Variants in ARMC9 observed in about 807,000 individuals in gnomAD.
ARMC9 encodes lisH domain-containing protein ARMC9.
In ARMC9, 94 loss-of-function variants were observed where a neutral mutation model predicts 107.0. The ratio of observed to expected loss-of-function variants is 0.88; its 90% CI spans 0.74 to 1.04. The LOEUF is 1.04. Among genes scored for constraint, ARMC9 ranks in the 50% least tolerant of loss-of-function variants. ARMC9 has a pLI of 0.00. For synonymous variants in ARMC9, 380 were observed against 396.9 expected (o/e 0.96, Z 0.51); for missense variants, 942 against 1,030.1 (o/e 0.91, Z 1.17).
chr2:231,313,974 G>C (rs1398268351), intron 19 of ARMC9, among the ~76,000 whole-genome samples: 1 of 149,316 alleles, frequency 6.7e-6, no homozygotes, highest in Non-Finnish European at 1.5e-5. Flanking sequence ...TGCCCAGGGT[G>C]GTCTTAAACT....
At chr2:231,337,227 T>C (rs1350556990) in intron 20 of ARMC9, among the ~76,000 whole-genome samples, 1 of 149,426 alleles carries the variant, frequency 6.7e-6, no homozygotes, top group Non-Finnish European at 1.5e-5. Flanking sequence ...CTCTGCTTAT[T>C]AGGGGATTTG....
chr2:231,235,704 G>A (rs1342734327), intron 8 of ARMC9, among the ~76,000 whole-genome samples: 2 of 152,058 alleles, frequency 1.3e-5, no homozygotes, highest in Non-Finnish European at 2.9e-5. Context: ...GTGCAATGGC[G>A]TGATCTCGGC....
intron 5 of ARMC9, 56 bp from the exon 6 acceptor site, chr2:231,222,672 A>G (rs114992710): frequency 0.025 from 24,750 of 992,278 alleles, 409 homozygotes; most frequent in Non-Finnish European, 0.032. Flanking sequence ...CAACTTGATG[A>G]TGCTATTGGT....
chr2:231,302,975 G>A (rs1207152633), intron 19 of ARMC9, among the ~76,000 whole-genome samples: 3 of 152,208 alleles, frequency 2.0e-5, no homozygotes, highest in African/African-American at 7.2e-5. Context: ...CTGCACTCCA[G>A]CCTGGGTGAC....
intron 18 of ARMC9, 117 bp from the exon 19 acceptor site, chr2:231,296,081 C>A: frequency 1.5e-6 from 1 of 648,094 alleles, no homozygotes; most frequent in Admixed American, 3.1e-5. Flanking sequence ...AGCATGATGA[C>A]TTTGATGTAA....
At chr2:231,250,373 T>G (rs1336232626) in intron 9 of ARMC9, among the ~76,000 whole-genome samples, 1 of 152,192 alleles carries the variant, frequency 6.6e-6, no homozygotes, top group Non-Finnish European at 1.5e-5. Context: ...CCAGTAGCAC[T>G]ACTCCCGCTA....
chr2:231,229,714 T>C (rs1355414216), intron 7 of ARMC9, among the ~76,000 whole-genome samples: 1 of 152,154 alleles, frequency 6.6e-6, no homozygotes, highest in Non-Finnish European at 1.5e-5. Context: ...ATTAGCAAAG[T>C]AGCAAGGAGG....
At chr2:231,199,614 G>A (rs1302339996) in intron 1 of ARMC9, among the ~76,000 whole-genome samples, 3 of 152,190 alleles carry the variant, frequency 2.0e-5, no homozygotes, top group Non-Finnish European at 4.4e-5. Flanking sequence ...AAAACATTTT[G>A]CACATTGCCT....
chr2:231,203,592 C>T (rs1301238589), intron 1 of ARMC9, among the ~76,000 whole-genome samples: 1 of 152,268 alleles, frequency 6.6e-6, no homozygotes, highest in Non-Finnish European at 1.5e-5. Flanking sequence ...AATCCCAGCA[C>T]TTTGGGAGGC....
At chr2:231,316,555 G>A (rs2042691273) in intron 19 of ARMC9, among the ~76,000 whole-genome samples, 1 of 151,570 alleles carries the variant, frequency 6.6e-6, no homozygotes, top group Non-Finnish European at 1.5e-5. Flanking sequence ...AGGCTGAGGT[G>A]GGAGAATCGC....
At chr2:231,331,460 A>G (rs1447007430) in intron 19 of ARMC9, among the ~76,000 whole-genome samples, 3 of 151,934 alleles carry the variant, frequency 2.0e-5, no homozygotes, top group Non-Finnish European at 4.4e-5. Flanking sequence ...GCTGTTCTAT[A>G]TGGTGCCTTG....
chr2:231,344,720 T>C (rs1289484667), intron 20 of ARMC9, among the ~76,000 whole-genome samples: 1 of 152,200 alleles, frequency 6.6e-6, no homozygotes, highest in Non-Finnish European at 1.5e-5. Flanking sequence ...GATCAACCGC[T>C]TTCTTCCTTT....
chr2:231,310,262 AAATT>A (rs919437638), intron 19 of ARMC9, among the ~76,000 whole-genome samples: 2 of 149,504 alleles, frequency 1.3e-5, no homozygotes, highest in African/African-American at 2.5e-5. Context: ...TAAAACTACA[AAATT>A]AGGCAGGCAT....
At chr2:231,265,247 T>G (rs984269854) in intron 12 of ARMC9, among the ~76,000 whole-genome samples, 4 of 152,204 alleles carry the variant, frequency 2.6e-5, no homozygotes, top group Non-Finnish European at 4.4e-5. Context: ...ACAGTCCCAC[T>G]AGTGGCCATC....
Position 231,337,469 on chromosome 2 carries a change from G to GTT in ARMC9, c.1878+5589_1878+5590dup, listed in dbSNP as rs1172469791. ...GCGCCACCACGCCCGGCTAATTTTTGTTTTTTTTTTTTTTTTTTGAGACAG... is the reference window on the plus strand; with the variant it reads ...GCGCCACCACGCCCGGCTAATTTTTGTTTTTTTTTTTTTTTTTTTTGAGACAG... On this transcript the variant is annotated intron_variant, in intron 20 of 24. Transcript: ENST00000611582. Among the ~76,000 whole-genome samples the GTT allele has an allele frequency of 5.0e-4, 50 of 99,490 alleles. 1 individual carries two copies. Among genetic ancestry groups the GTT allele is most frequent in the African/African-American group, 1.3e-3 (29 of 22,402 alleles). 65.3% of individuals were successfully genotyped at this position (99,490 alleles called of 152,430 possible).
Position 231,255,933 on chromosome 2 carries a change from A to G in ARMC9, c.880-653A>G, listed in dbSNP as rs556357168. On this transcript the variant is annotated intron_variant, in intron 9 of 24. Transcript: ENST00000611582. The surrounding 1 kb of genome is among the most constrained non-coding windows in gnomAD (Gnocchi z 4.7). ...CAGGTGCCTGTAATCCCAGCTACTCAGGAGGCTGAGGCAGGAGAATGGCGT... is the reference window on the plus strand; with the variant it reads ...CAGGTGCCTGTAATCCCAGCTACTCGGGAGGCTGAGGCAGGAGAATGGCGT... Among the ~76,000 whole-genome samples, 172 of 152,240 alleles carry G rather than the reference A, an allele frequency of 1.1e-3. No individual in the cohort carries two copies. Among genetic ancestry groups the G allele is most frequent in the African/African-American group, 4.0e-3 (166 of 41,562 alleles).
intron 8 of ARMC9, among the ~76,000 whole-genome samples, chr2:231,238,752 G>T (rs1481785984): frequency 6.6e-6 from 1 of 152,228 alleles, no homozygotes; most frequent in African/African-American, 2.4e-5. Context: ...CCTGGGATGG[G>T]GTTCCTTTTT....
Position 231,250,661 on chromosome 2 carries a change from C to T in ARMC9, c.880-5925C>T, listed in dbSNP as rs565870557. On this transcript the variant is annotated intron_variant, in intron 9 of 24. Transcript: ENST00000611582. ...TTGGAGGATGGGGGGTGAAGGAGGC[C>T]GAAGAGAGTGAGGGGCTGCCAGGGA... Among the ~76,000 whole-genome samples, 5 of 151,974 alleles carry T rather than the reference C, an allele frequency of 3.3e-5. No homozygotes were observed. In the East Asian group the frequency reaches 5.8e-4, roughly 18 times the overall value.
At chr2:231,355,660 G>A (rs1440014168) in intron 21 of ARMC9, 138 bp from the exon 22 acceptor site, 1 of 1,094,736 alleles carries the variant, frequency 9.1e-7, no homozygotes, top group East Asian at 2.6e-5. Context: ...CCCTTTAGAA[G>A]GTCTGATATG....
Sources: allele counts gnomAD v4.1 joint callset (sites outside exome capture counted in the v4.1 genomes callset), GRCh38; gene constraint gnomAD v4.1.1; non-coding constraint Gnocchi (gnomAD v3.1); transcripts MANE v1.5; gene names NCBI Gene and HGNC (gene_info 2026-07-23, HGNC 2026-07-21).